The following NUP98 variants were observed in gnomAD, a reference collection of about 807,000 sequenced individuals.
NUP98 encodes nucleoporin 98 and 96 precursor.
NUP98 carries 26 observed loss-of-function variants against 191.9 expected under a neutral mutation model. The observed-to-expected ratio is 0.14, with a 90% CI of 0.10 to 0.19. The LOEUF (loss-of-function observed/expected upper bound fraction) is 0.19. Among genes scored for constraint, NUP98 ranks in the 10% least tolerant of loss-of-function variants. The pLI is 1.00. For missense variants in NUP98, 1,941 were observed against 2,178.8 expected (o/e 0.89, Z 2.17); for synonymous variants, 808 against 778.4 (o/e 1.04, Z -0.63).
chr11:3,787,670 C>T (rs139640350), intron 1 of NUP98, among the ~76,000 whole-genome samples: 11 of 151,712 alleles, frequency 7.3e-5, no homozygotes, highest in Non-Finnish European at 1.2e-4. Context: ...ACAAGACTGC[C>T]GCACACCCTT....
intron 25 of NUP98, chr11:3,697,283 A>T (rs1288447112): frequency 6.6e-6 from 1 of 152,176 alleles, no homozygotes; most frequent in South Asian, 2.1e-4. Flanking sequence ...GGAAGCTACC[A>T]GGCTAAATGT....
intron 12 of NUP98, among the ~76,000 whole-genome samples, chr11:3,743,393 T>C (rs977655685): frequency 1.4e-5 from 2 of 146,438 alleles, no homozygotes; most frequent in Non-Finnish European, 3.0e-5. Context: ...ACGCCTCTAA[T>C]CCCAGCACTT....
At chr11:3,683,062 G>T in intron 30 of NUP98, 138 bp downstream of exon 30, 1 of 1,268,934 alleles carries the variant, frequency 7.9e-7, no homozygotes, top group Non-Finnish European at 1.1e-6. Flanking sequence ...CTTCTGCAGA[G>T]AGCTTTTGCA....
intron 28 of NUP98, among the ~76,000 whole-genome samples, chr11:3,686,561 C>T (rs1233680313): frequency 6.6e-6 from 1 of 152,116 alleles, no homozygotes; most frequent in Non-Finnish European, 1.5e-5. Context: ...CTCTGTTGCC[C>T]ATTTCTGGTA....
intron 30 of NUP98, among the ~76,000 whole-genome samples, chr11:3,680,854 G>T (rs528230129): frequency 1.3e-5 from 2 of 151,968 alleles, no homozygotes; most frequent in East Asian, 3.9e-4. Flanking sequence ...GGACCCAAAT[G>T]TTCTTTTTTG....
At chr11:3,689,933 G>T (rs2078255203) in intron 28 of NUP98, among the ~76,000 whole-genome samples, 2 of 148,192 alleles carry the variant, frequency 1.3e-5, no homozygotes, top group Non-Finnish European at 3.0e-5. Flanking sequence ...CACCATGGCT[G>T]GCCTGCATTT....
In NUP98 at chr11:3,720,832, CAAAAAAA is replaced by C. The variant is rs55821497; in HGVS notation, c.2147-14_2147-8del. ...ACCTTAGTGAGAATAATACCTGTGA[CAAAAAAA>C]AAAAAAAAAACAGAAAAAAAAATAA... On this transcript the variant is annotated splice_polypyrimidine_tract_variant and splice_region_variant and intron_variant, in intron 16 of 32. Transcript: ENST00000324932. 10 of 376,190 alleles carry C rather than the reference CAAAAAAA, an allele frequency of 2.7e-5. No homozygotes were observed. Among genetic ancestry groups the C allele is most frequent in the Non-Finnish European group, 3.1e-5 (7 of 225,552 alleles). The allele number at this position is 376,190 out of a possible 1,614,324, so 23.3% of individuals were successfully genotyped here. A position where few individuals can be genotyped will look rare whatever the true frequency, so the allele number is the denominator to read the frequency against.
intron 28 of NUP98, among the ~76,000 whole-genome samples, chr11:3,687,218 C>T (rs769453993): frequency 2.0e-5 from 3 of 152,118 alleles, no homozygotes; most frequent in Non-Finnish European, 2.9e-5. Context: ...ATAGGCATGA[C>T]GCACCATACC....
Position 3,709,677 on chromosome 11 carries a change from A to T in NUP98, c.2742+2887T>A, listed in dbSNP as rs558994922. ...AACATAGGAAAACTTTGCCTCAGAA[A>T]AAAAAAAAAAGTCATTAACTTAAAT... On this transcript the variant is annotated intron_variant, in intron 20 of 32. Transcript: ENST00000324932. 2.5e-3 allele frequency among the ~76,000 whole-genome samples: 380 copies of T among 151,644 alleles called. 3 individuals are homozygous for T. Among genetic ancestry groups the T allele is most frequent in the African/African-American group, 8.9e-3 (367 of 41,356 alleles).
At chr11:3,771,647 A>G (rs1415370938) in intron 7 of NUP98, 101 bp downstream of exon 7, 11 of 977,694 alleles carry the variant, frequency 1.1e-5, no homozygotes, top group Non-Finnish European at 1.7e-5. Flanking sequence ...TCCCTGAATT[A>G]TTATTTTTCT....
chr11:3,786,632 A>C (rs1045552121), intron 1 of NUP98, among the ~76,000 whole-genome samples: 11 of 152,226 alleles, frequency 7.2e-5, no homozygotes, highest in African/African-American at 2.4e-4. Flanking sequence ...CCAGTAGTCC[A>C]ATCAATGGAC....
At chr11:3,723,064 A>T (rs1253118210) in intron 16 of NUP98, 93 bp downstream of exon 16, 19 of 1,211,200 alleles carry the variant, frequency 1.6e-5, no homozygotes, top group Admixed American at 2.0e-5. Context: ...TTAAAATGCC[A>T]AACAGCTGAC....
At chr11:3,753,687 G>C (rs1431987604) in intron 10 of NUP98, among the ~76,000 whole-genome samples, 1 of 138,632 alleles carries the variant, frequency 7.2e-6, no homozygotes, top group Non-Finnish European at 1.5e-5. Flanking sequence ...GAGGCTGACA[G>C]ATCACCTGAA....
chr11:3,725,227 CAAG>C lies in NUP98; in HGVS notation c.1731-11_1731-9del, dbSNP rs771102003. The C allele has an allele frequency of 6.5e-5, 87 of 1,328,918 alleles. 1 individual carries two copies. The South Asian group carries it at 1.0e-3, about 16-fold the overall frequency. 82.3% of individuals were successfully genotyped at this position (1,328,918 alleles called of 1,614,324 possible). ...AACTTCTTAATGCTCTTCCTATAAA[CAAG>C]AAACCAAAAGAAGAAGAAAAAAATT... On this transcript the variant is annotated splice_polypyrimidine_tract_variant and intron_variant, in intron 14 of 32. Transcript: ENST00000324932.
In NUP98 at chr11:3,706,488, G is replaced by T; in HGVS notation, c.2882C>A (p.Thr961Lys). 1 of 1,614,102 alleles carries T rather than the reference G, an allele frequency of 6.2e-7. No individual in the cohort carries two copies. The highest frequency in any genetic ancestry group is 8.5e-7 in the Non-Finnish European group (1 of 1,179,996). ...AATTCCCAGTGAAGATGCAATATGT[G>T]TTGAGGCAGACACAGGTTCCTGATC... ...PEDQEPVSAS[T>K]HIASSLGINP... Residue 961 changes from threonine to lysine, a missense_variant, in exon 21 of 33, where the codon ACA becomes AAA. Physicochemically the swap from Thr to Lys is moderately conservative, Grantham distance 78. This residue lies in a region of NUP98 where 1,030 missense variants were observed against 1,115.8 expected (regional missense o/e 0.92). Transcript: ENST00000324932.
At chr11:3,711,074 CCTCT>C (rs1338201899) in intron 20 of NUP98, among the ~76,000 whole-genome samples, 1 of 152,006 alleles carries the variant, frequency 6.6e-6, no homozygotes, top group African/African-American at 2.4e-5. Context: ...GGCAAAATCC[CCTCT>C]CTACTAAAAA....
chr11:3,727,435 T>A (rs568516191), intron 14 of NUP98, among the ~76,000 whole-genome samples: 2 of 152,178 alleles, frequency 1.3e-5, no homozygotes, highest in Non-Finnish European at 2.9e-5. Context: ...CAAGCACTAC[T>A]GAGGCATGTG....
chr11:3,749,610 G>C (rs965471843), intron 11 of NUP98, among the ~76,000 whole-genome samples: 1 of 152,106 alleles, frequency 6.6e-6, no homozygotes, highest in Non-Finnish European at 1.5e-5. Flanking sequence ...GGCAACGAGA[G>C]AAACTCGGTC....
intron 11 of NUP98, among the ~76,000 whole-genome samples, chr11:3,748,947 T>TAA (rs1014625515): frequency 1.2e-4 from 17 of 138,708 alleles, no homozygotes; most frequent in African/African-American, 2.9e-4. Context: ...GAATTTTCAT[T>TAA]AAAAAAAAAA....
Sources: gnomAD v4.1 joint callset for allele counts (sites outside exome capture counted in the v4.1 genomes callset) on GRCh38, gnomAD v4.1.1 for gene constraint, gnomAD v4.1.1 regional missense constraint, MANE v1.5 for transcripts, NCBI Gene and HGNC (gene_info 2026-07-23, HGNC 2026-07-21) for gene names.